Variants in ANK1 observed in about 807,000 individuals in gnomAD.
ANK1 encodes the protein ankyrin 1, also known as ankyrin-1.
Under a neutral mutation model 210.4 loss-of-function variants are expected in ANK1, and 51 were observed. The observed-to-expected ratio is 0.24, with a 90% confidence interval of 0.19 to 0.31. ANK1 has a LOEUF of 0.31. Among genes scored for constraint, ANK1 ranks in the 10% least tolerant of loss-of-function variants. ANK1 has a pLI of 1.00. For missense variants in ANK1, 2,051 were observed against 2,504.4 expected, an observed-to-expected ratio of 0.82 and a Z score of 3.86; for synonymous variants, 967 against 1,025.9, an observed-to-expected ratio of 0.94 and a Z score of 1.10.
intron 9 of ANK1, 127 bp from the exon 10 acceptor site, chr8:41,719,985 G>T: frequency 8.7e-7 from 1 of 1,155,588 alleles, no homozygotes; most frequent in Non-Finnish European, 1.3e-6. Flanking sequence ...TCTGGAGGGA[G>T]CTTGGCTCAC....
intron 1 of ANK1, among the ~76,000 whole-genome samples, chr8:41,784,050 C>A (rs1222000979): frequency 3.0e-5 from 3 of 98,564 alleles, no homozygotes; most frequent in Non-Finnish European, 7.0e-5. Context: ...ATCGCAAGAC[C>A]CTATCTCAAA....
intron 2 of ANK1, among the ~76,000 whole-genome samples, chr8:41,746,478 T>C (rs1410265321): frequency 1.3e-5 from 2 of 152,208 alleles, no homozygotes; most frequent in Non-Finnish European, 2.9e-5. Flanking sequence ...GTTTGCTTTG[T>C]TGCAATCTAA....
chr8:41,665,658 G>T, intron 39 of ANK1: 1 of 217,256 alleles, frequency 4.6e-6, no homozygotes, highest in Non-Finnish European at 9.3e-6. Context: ...TGGGTACTTA[G>T]CGGTCTGTTT....
At position 41,700,339 on chromosome 8, in the gene ANK1, A is replaced by T. The variant is rs560977637; in HGVS notation, c.2462-791T>A. ...CTTATTAGCTGTCAGAGGAAGATGG[A>T]AAGCAGGAATGGATTAGTGAGCATC... On this transcript the variant is annotated intron_variant, in intron 22 of 42. Transcript: ENST00000289734. 18 of 1,365,902 alleles carry T rather than the reference A, an allele frequency of 1.3e-5. No homozygotes were observed. The South Asian group carries it at 2.1e-4, about 16-fold the overall frequency. The allele number at this position is 1,365,902 out of a possible 1,614,324, so 84.6% of individuals were successfully genotyped here.
chr8:41,893,743 T>C (rs1819903803), intron 1 of ANK1, among the ~76,000 whole-genome samples: 3 of 152,336 alleles, frequency 2.0e-5, no homozygotes, highest in South Asian at 2.1e-4. Context: ...TGTCTGCATG[T>C]ATGGAATTCC....
chr8:41,760,865 C>T (rs1214567566), intron 1 of ANK1, among the ~76,000 whole-genome samples: 1 of 152,140 alleles, frequency 6.6e-6, no homozygotes, highest in African/African-American at 2.4e-5. Flanking sequence ...GCTTCCTCTC[C>T]ACCCAGGCAC....
chr8:41,659,517 G>A (rs1232072756), intron 42 of ANK1, among the ~76,000 whole-genome samples: 3 of 152,186 alleles, frequency 2.0e-5, no homozygotes, highest in Admixed American at 1.3e-4. Context: ...GATGAGGATC[G>A]ACTGTACATG....
At chr8:41,678,227 C>A (rs1467148976) in intron 37 of ANK1, among the ~76,000 whole-genome samples, 2 of 152,106 alleles carry the variant, frequency 1.3e-5, no homozygotes, top group African/African-American at 4.8e-5. Flanking sequence ...CAACCTCCAC[C>A]TCCTGGGTTC....
At position 41,661,939 on chromosome 8, in the gene ANK1, G is replaced by A. The variant is rs755007345; in HGVS notation, c.5481C>T (p.Ile1827=). The change falls in exon 41 of 43, where the codon ATC becomes ATT. Residue 1827 remains isoleucine (I), a splice_region_variant and synonymous_variant. Transcript: ENST00000289734. The part of the protein sequence containing the change: ...DEQGNIVTKK[I]IRKVVRQIDL... ...CTATCTGTCGAACCACCTTGCGAAT[G>A]ATCTAGGAAAGGAAGGGAAGGAGGA... The A allele has an allele frequency of 6.2e-7, 1 of 1,613,760 alleles. No individual in the cohort carries two copies. Among genetic ancestry groups the A allele is most frequent in the Non-Finnish European group, 8.5e-7 (1 of 1,180,010 alleles).
At chr8:41,673,014 G>A (rs76382848) in intron 37 of ANK1, 102 bp from the exon 38 acceptor site, 36,011 of 1,258,106 alleles carry the variant, frequency 0.029, 638 homozygotes, top group Middle Eastern at 0.047. Flanking sequence ...ATGCGGGTGC[G>A]GCCACAGAGA....
intron 2 of ANK1, among the ~76,000 whole-genome samples, chr8:41,741,318 C>T (rs973378789): frequency 3.9e-5 from 6 of 152,170 alleles, no homozygotes; most frequent in East Asian, 1.9e-4. Flanking sequence ...ACCTGGCTGT[C>T]GAGGGGGCCT....
At chr8:41,831,463 C>T (rs1420536238) in intron 1 of ANK1, among the ~76,000 whole-genome samples, 1 of 152,010 alleles carries the variant, frequency 6.6e-6, no homozygotes, top group Non-Finnish European at 1.5e-5. Flanking sequence ...GCCTGGAAAA[C>T]ATGGTGAAAC....
At chr8:41,669,340 G>A (rs189953593) in intron 38 of ANK1, among the ~76,000 whole-genome samples, 190 of 151,846 alleles carry the variant, frequency 1.3e-3, no homozygotes, top group Non-Finnish European at 2.0e-3. Context: ...TCTGTCTCCC[G>A]GGCTGCAGTG....
chr8:41,827,710 ACACC>A (rs1805648810), intron 1 of ANK1, among the ~76,000 whole-genome samples: 1 of 142,734 alleles, frequency 7.0e-6, no homozygotes, highest in Admixed American at 7.2e-5. Flanking sequence ...ACTCACACGC[ACACC>A]CACTCACACT....
chr8:41,746,250 A>C (rs1269737585), intron 2 of ANK1, among the ~76,000 whole-genome samples: 1 of 152,206 alleles, frequency 6.6e-6, no homozygotes, highest in African/African-American at 2.4e-5. Context: ...GGTCTGCTAA[A>C]AATATATGAT....
chr8:41,688,721 A>G (rs1384656182), intron 33 of ANK1, 132 bp from the exon 34 acceptor site: 8 of 798,714 alleles, frequency 1.0e-5, no homozygotes, highest in Non-Finnish European at 1.7e-5. Context: ...CCGTTTCTTC[A>G]GGGACTTAAC....
rs576428961 is a variant in ANK1, at chr8:41,795,761, G to T, written c.27+1751C>A. 4.9e-4 allele frequency among the ~76,000 whole-genome samples: 74 copies of T among 152,020 alleles called. 1 individual carries two copies. Among genetic ancestry groups the T allele is most frequent in the African/African-American group, 1.4e-3 (58 of 41,454 alleles). ...TACCAGAGACCAGGAAGGGTGGGTG[G>T]GGGGCAAGAGAATGAAGAGAGATTG... On this transcript the variant is annotated intron_variant, in intron 1 of 42. Transcript: ENST00000289734.
intron 37 of ANK1, among the ~76,000 whole-genome samples, chr8:41,678,167 A>C (rs1221059063): frequency 6.7e-6 from 1 of 149,940 alleles, no homozygotes; most frequent in Non-Finnish European, 1.5e-5. Flanking sequence ...TTTTGCGTTG[A>C]GAACTCTGTC....
chr8:41,679,611 G>A (rs1271643305), intron 37 of ANK1, among the ~76,000 whole-genome samples: 1 of 140,152 alleles, frequency 7.1e-6, no homozygotes, highest in Non-Finnish European at 1.5e-5. Flanking sequence ...GGCCCAGGCG[G>A]GAGTGCAGTG....
Sources: allele counts gnomAD v4.1 joint callset (sites outside exome capture counted in the v4.1 genomes callset), GRCh38; gene constraint gnomAD v4.1.1; transcripts MANE v1.5; gene names NCBI Gene and HGNC (gene_info 2026-07-23, HGNC 2026-07-21).